FILIP1: variants seen among roughly 807,000 people sequenced by gnomAD.
FILIP1 encodes filamin A interacting protein 1.
FILIP1 carries 61 observed loss-of-function variants against 102.1 expected under a neutral mutation model. The ratio of observed to expected loss-of-function variants is 0.60; its 90% CI spans 0.49 to 0.74. The LOEUF is 0.74. FILIP1 is among the 30% of genes least tolerant of loss of function. FILIP1 has a pLI of 0.00. For synonymous variants in FILIP1, 491 were observed against 526.9 expected (o/e 0.93, Z 0.93); for missense variants, 1,314 against 1,441.2 (o/e 0.91, Z 1.43).
At chr6:75,425,575 T>A (rs1446694752) in intron 1 of FILIP1, among the ~76,000 whole-genome samples, 1 of 152,140 alleles carries the variant, frequency 6.6e-6, no homozygotes, top group African/African-American at 2.4e-5. Flanking sequence ...TCCTTAGCAT[T>A]TGTTTCCTTA....
chr6:75,415,627 T>C (rs1777241948), intron 1 of FILIP1, among the ~76,000 whole-genome samples: 1 of 151,688 alleles, frequency 6.6e-6, no homozygotes, highest in African/African-American at 2.4e-5. Flanking sequence ...GGTGGTGTCA[T>C]TTTTAGTGAT....
chr6:75,439,927 A>G (rs1252854649), intron 1 of FILIP1, among the ~76,000 whole-genome samples: 2 of 152,246 alleles, frequency 1.3e-5, no homozygotes, highest in Admixed American at 6.5e-5. Context: ...TTTCTTGAGA[A>G]TCTATTAAAG....
exon 7 of FILIP1, chr6:75,295,896 C>G: frequency 6.9e-7 from 1 of 1,449,672 alleles, no homozygotes; most frequent in South Asian, 1.4e-5. Context: ...CCAGTATGTG[C>G]TTGGTTTACC....
intron 3 of FILIP1, among the ~76,000 whole-genome samples, chr6:75,355,904 G>A (rs1384014546): frequency 6.6e-6 from 1 of 152,018 alleles, no homozygotes; most frequent in Non-Finnish European, 1.5e-5. Flanking sequence ...CACAACTTTG[G>A]CACTGCTGAG....
chr6:75,351,629 C>A (rs1429227857), intron 4 of FILIP1, among the ~76,000 whole-genome samples: 11 of 152,156 alleles, frequency 7.2e-5, no homozygotes. Context: ...AGTAGAGTAA[C>A]ATGCTGTACA....
intron 2 of FILIP1, among the ~76,000 whole-genome samples, chr6:75,373,279 G>A (rs995684770): frequency 6.6e-6 from 1 of 152,182 alleles, no homozygotes; most frequent in African/African-American, 2.4e-5. Flanking sequence ...AGGGCAGAGA[G>A]CAAGGGGAAA....
At chr6:75,459,558 ACT>A (rs1250396996) in intron 1 of FILIP1, among the ~76,000 whole-genome samples, 1 of 152,174 alleles carries the variant, frequency 6.6e-6, no homozygotes, top group African/African-American at 2.4e-5. Flanking sequence ...AAGAAATAAG[ACT>A]TTGCCATTTA....
chr6:75,298,778 C>T (rs572842676), intron 6 of FILIP1, among the ~76,000 whole-genome samples: 11 of 152,048 alleles, frequency 7.2e-5, no homozygotes, highest in South Asian at 4.2e-4. Flanking sequence ...ATAAGCTGGG[C>T]GTGGTGGTGT....
At chr6:75,338,900 C>T (rs941637010) in intron 4 of FILIP1, among the ~76,000 whole-genome samples, 2 of 152,158 alleles carry the variant, frequency 1.3e-5, no homozygotes, top group Non-Finnish European at 2.9e-5. Context: ...AATACAGTTG[C>T]TTCTATAACC....
At chr6:75,474,449 A>C (rs550951512) in intron 1 of FILIP1, among the ~76,000 whole-genome samples, 1 of 152,224 alleles carries the variant, frequency 6.6e-6, no homozygotes, top group African/African-American at 2.4e-5. Context: ...CTGGAAGTGA[A>C]GGAGGAAGTA....
chr6:75,461,509 A>G (rs1341867761), intron 1 of FILIP1, among the ~76,000 whole-genome samples: 1 of 152,204 alleles, frequency 6.6e-6, no homozygotes, highest in Non-Finnish European at 1.5e-5. Flanking sequence ...AAGTTTTCAT[A>G]AGTAAAGAAA....
intron 2 of FILIP1, among the ~76,000 whole-genome samples, chr6:75,368,092 CA>C (rs1203748089): frequency 6.6e-6 from 1 of 152,220 alleles, no homozygotes; most frequent in Non-Finnish European, 1.5e-5. Flanking sequence ...GAAACAGACA[CA>C]GCTGTCACAC....
intron 2 of FILIP1, among the ~76,000 whole-genome samples, chr6:75,403,902 C>T (rs192619158): frequency 1.6e-4 from 24 of 152,302 alleles, no homozygotes; most frequent in Admixed American, 1.6e-3. Flanking sequence ...CTTCTAGTCC[C>T]CAATGCTCAT....
chr6:75,372,745 A>G (rs6935773), intron 2 of FILIP1, among the ~76,000 whole-genome samples: 5 of 58,542 alleles, frequency 8.5e-5, no homozygotes, highest in African/African-American at 4.0e-4. Flanking sequence ...AAAGAAAGAA[A>G]GAAAGAAAGA....
intron 4 of FILIP1, among the ~76,000 whole-genome samples, chr6:75,317,456 C>G (rs1773481305): frequency 1.3e-5 from 2 of 152,164 alleles, no homozygotes; most frequent in African/African-American, 2.4e-5. Flanking sequence ...AAGATAAGAA[C>G]TATTGTATAT....
At chr6:75,319,470 T>A in intron 4 of FILIP1, 2 of 603,042 alleles carry the variant, frequency 3.3e-6, no homozygotes. Flanking sequence ...TTGTCCGCCT[T>A]TGCCATATCT....
At chr6:75,345,096 T>G (rs1045754241) in intron 4 of FILIP1, among the ~76,000 whole-genome samples, 2 of 152,162 alleles carry the variant, frequency 1.3e-5, no homozygotes, top group Admixed American at 6.5e-5. Context: ...TTTTCTAAAA[T>G]AAGAGATATC....
chr6:75,476,880 A>T (rs2149772349), intron 1 of FILIP1, among the ~76,000 whole-genome samples: 1 of 152,306 alleles, frequency 6.6e-6, no homozygotes, highest in Non-Finnish European at 1.5e-5. Context: ...GTCTGGTTTG[A>T]TCTCACTGAA....
chr6:75,329,840 TAC>T (rs1261257532), intron 4 of FILIP1, among the ~76,000 whole-genome samples: 2 of 152,212 alleles, frequency 1.3e-5, no homozygotes, highest in Non-Finnish European at 2.9e-5. Context: ...GATATTTTGA[TAC>T]AGTCATACAA....
Sources: gnomAD v4.1 joint callset for allele counts (sites outside exome capture counted in the v4.1 genomes callset) on GRCh38, gnomAD v4.1.1 for gene constraint, MANE v1.5 for transcripts, NCBI Gene and HGNC (gene_info 2026-07-23, HGNC 2026-07-21) for gene names.